Variants in KCNIP4 observed in about 807,000 individuals in gnomAD.
KCNIP4 encodes the protein potassium voltage-gated channel interacting protein 4, also known as Kv channel-interacting protein 4.
A neutral mutation model predicts 34.0 loss-of-function variants in KCNIP4; 12 were observed. The ratio of observed to expected loss-of-function variants is 0.35; its 90% CI spans 0.23 to 0.57. The LOEUF is 0.57. Ranked by LOEUF, KCNIP4 falls within the 20% of genes least tolerant of loss-of-function variation. KCNIP4 has a pLI of 0.83. For synonymous variants in KCNIP4, 124 were observed against 102.2 expected (o/e 1.21, Z -1.29); for missense variants, 238 against 311.7 (o/e 0.76, Z 1.78).
rs34828281 is a variant in KCNIP4 at position 20,930,838 on chromosome 4, T to TAA, written c.62-48131_62-48130dup. On this transcript the variant is annotated intron_variant, in intron 1 of 8. Coordinates refer to ENST00000382152, the MANE Select transcript of KCNIP4 (RefSeq NM_025221.6). ...CCTTCACCCATTAGGATGGCTATTA[T>TAA]AAAAAAAAAAAAAGACAAGAGGTTA... 4.4e-3 allele frequency among the ~76,000 whole-genome samples: 628 copies of TAA among 144,274 alleles called. 1 individual carries two copies. Among genetic ancestry groups the TAA allele is most frequent in the Middle Eastern group, 7.4e-3 (2 of 270 alleles). The allele number at this position is 144,274 out of a possible 152,430, so 94.6% of individuals were successfully genotyped here.
intron 1 of KCNIP4, among the ~76,000 whole-genome samples, chr4:21,266,050 G>C (rs1761786152): frequency 6.6e-6 from 1 of 152,092 alleles, no homozygotes; most frequent in Non-Finnish European, 1.5e-5. Context: ...GGTACTATCA[G>C]TCCCATTTAA....
At chr4:21,245,085 T>C (rs1412703233) in intron 1 of KCNIP4, among the ~76,000 whole-genome samples, 1 of 152,198 alleles carries the variant, frequency 6.6e-6, no homozygotes, top group African/African-American at 2.4e-5. Context: ...TGTGGTCTCC[T>C]ATCTCAGCTT....
At chr4:21,574,646 A>G (rs1009963202) in intron 1 of KCNIP4, among the ~76,000 whole-genome samples, 2 of 152,182 alleles carry the variant, frequency 1.3e-5, no homozygotes, top group Non-Finnish European at 2.9e-5. Context: ...AGTAGTCAAT[A>G]GTGAACCCTC....
intron 1 of KCNIP4, among the ~76,000 whole-genome samples, chr4:21,541,240 A>C (rs577238814): frequency 3.1e-4 from 47 of 152,102 alleles, no homozygotes; most frequent in Non-Finnish European, 5.7e-4. Context: ...ATCCTAAGAC[A>C]TCTCTCATCC....
intron 1 of KCNIP4, among the ~76,000 whole-genome samples, chr4:21,492,289 G>A (rs1475849350): frequency 2.6e-5 from 4 of 152,120 alleles, no homozygotes; most frequent in Non-Finnish European, 5.9e-5. Context: ...CATGATAATA[G>A]CTTACTACAG....
intron 1 of KCNIP4, among the ~76,000 whole-genome samples, chr4:21,435,492 G>C (rs1451276974): frequency 6.6e-6 from 1 of 152,162 alleles, no homozygotes; most frequent in African/African-American, 2.4e-5. Flanking sequence ...AATTGGGCTT[G>C]ATTGGAATCA....
In KCNIP4 at chr4:21,831,048, C is replaced by T. The variant is rs141019791; in HGVS notation, c.61+117523G>A. On this transcript the variant is annotated intron_variant, in intron 1 of 8. Coordinates refer to ENST00000382152, the MANE Select transcript of KCNIP4 (RefSeq NM_025221.6). ...ATGTGGAAATTAAACAACATGCTCCCGAACAACCAGTGGGTCAAATAAAAA... is the reference window on the plus strand; with the variant it reads ...ATGTGGAAATTAAACAACATGCTCCTGAACAACCAGTGGGTCAAATAAAAA... Among the ~76,000 whole-genome samples, 474 of 152,130 alleles carry T rather than the reference C, an allele frequency of 3.1e-3. 3 individuals carry two copies. Among genetic ancestry groups the T allele is most frequent in the African/African-American group, 0.011 (447 of 41,508 alleles).
chr4:21,450,700 A>G (rs1249599404), intron 1 of KCNIP4, among the ~76,000 whole-genome samples: 1 of 152,156 alleles, frequency 6.6e-6, no homozygotes, highest in Admixed American at 6.6e-5. Flanking sequence ...AGTTCAATGG[A>G]TTTAGATAAG....
intron 1 of KCNIP4, among the ~76,000 whole-genome samples, chr4:21,335,111 C>T (rs1716046973): frequency 6.6e-6 from 1 of 151,950 alleles, no homozygotes; most frequent in Non-Finnish European, 1.5e-5. Context: ...CTAATTCCAA[C>T]TCACCAGTAA....
intron 3 of KCNIP4, among the ~76,000 whole-genome samples, chr4:20,775,787 C>T (rs923651789): frequency 6.6e-6 from 1 of 152,108 alleles, no homozygotes; most frequent in African/African-American, 2.4e-5. Flanking sequence ...GAATAAATCT[C>T]TGTACTACTG....
At chr4:21,464,705 G>A (rs1168701395) in intron 1 of KCNIP4, 1 of 151,390 alleles carries the variant, frequency 6.6e-6, no homozygotes, top group African/African-American at 2.4e-5. Flanking sequence ...ACATCTATTT[G>A]GTGTATACTG....
chr4:20,876,489 T>A (rs1724046658), intron 2 of KCNIP4, among the ~76,000 whole-genome samples: 1 of 152,150 alleles, frequency 6.6e-6, no homozygotes, highest in East Asian at 1.9e-4. Context: ...AATCCCTTAA[T>A]CCTGTAAATA....
chr4:20,799,771 A>G (rs941757695), intron 3 of KCNIP4, among the ~76,000 whole-genome samples: 2 of 152,144 alleles, frequency 1.3e-5, no homozygotes, highest in Non-Finnish European at 2.9e-5. Context: ...AGCTGCTTCT[A>G]TGTCCTGTTG....
chr4:21,374,098 A>G (rs1720744704), intron 1 of KCNIP4, among the ~76,000 whole-genome samples: 1 of 147,572 alleles, frequency 6.8e-6, no homozygotes, highest in African/African-American at 2.7e-5. Context: ...AACAATTGCA[A>G]TAGAGAAAGG....
At chr4:20,988,075 T>G (rs1478139237) in intron 1 of KCNIP4, among the ~76,000 whole-genome samples, 1 of 151,426 alleles carries the variant, frequency 6.6e-6, no homozygotes, top group Non-Finnish European at 1.5e-5. Context: ...ATAATTTGGT[T>G]TCAAGGAGAA....
chr4:21,739,771 C>T (rs901636452), intron 1 of KCNIP4, among the ~76,000 whole-genome samples: 8 of 152,174 alleles, frequency 5.3e-5, no homozygotes, highest in African/African-American at 1.9e-4. Context: ...CTTTGAAGTA[C>T]ATCCTTTATG....
At chr4:21,291,873 AAGAAAG>A (rs1763515840) in intron 1 of KCNIP4, among the ~76,000 whole-genome samples, 3 of 18,152 alleles carry the variant, frequency 1.7e-4, no homozygotes, top group Non-Finnish European at 3.3e-4. Context: ...AAAAAAAAGA[AAGAAAG>A]AAAGAAAGAA....
At position 21,177,858 on chromosome 4, in the gene KCNIP4, T is replaced by TTATATATATA. The variant is rs3080785; in HGVS notation, c.62-295159_62-295150dup. On this transcript the variant is annotated intron_variant, in intron 1 of 8. Coordinates refer to ENST00000382152, the MANE Select transcript of KCNIP4 (RefSeq NM_025221.6). ...GCAAGACTATGTCTCAAAAAAAAAA[T>TTATATATATA]TATATATATATATATATATAAAATA... Among the ~76,000 whole-genome samples the TTATATATATA allele has an allele frequency of 1.2e-3, 166 of 139,312 alleles. 2 individuals carry two copies. Among genetic ancestry groups the TTATATATATA allele is most frequent in the African/African-American group, 4.0e-3 (148 of 36,826 alleles). The allele number at this position is 139,312 out of a possible 152,430, so 91.4% of individuals were successfully genotyped here.
chr4:21,923,488 G>A (rs1019064729), intron 1 of KCNIP4, among the ~76,000 whole-genome samples: 17 of 152,110 alleles, frequency 1.1e-4, no homozygotes, highest in Non-Finnish European at 5.9e-5. Flanking sequence ...GGCTGAGGCA[G>A]GAGAATTGCT....
Sources: gnomAD v4.1 joint callset for allele counts (sites outside exome capture counted in the v4.1 genomes callset) on GRCh38, gnomAD v4.1.1 for gene constraint, MANE v1.5 for transcripts, NCBI Gene and HGNC (gene_info 2026-07-23, HGNC 2026-07-21) for gene names.